NOVA1: variants seen among roughly 807,000 people sequenced by gnomAD.
NOVA1 encodes the protein RNA-binding protein Nova-1.
NOVA1 carries 7 observed loss-of-function variants against 38.0 expected under a neutral mutation model. That is an observed-to-expected ratio of 0.18 (90% CI 0.10 to 0.35). The LOEUF is 0.35. Among genes scored for constraint, NOVA1 ranks in the 10% least tolerant of loss-of-function variants. NOVA1 has a pLI of 1.00. For synonymous variants in NOVA1, 270 were observed against 232.5 expected (o/e 1.16, Z -1.47); for missense variants, 460 against 616.0 (o/e 0.75, Z 2.68).
At chr14:26,542,135 C>T (rs1055956200) in intron 2 of NOVA1, among the ~76,000 whole-genome samples, 3 of 151,846 alleles carry the variant, frequency 2.0e-5, no homozygotes, top group South Asian at 2.1e-4. Flanking sequence ...ATATTTCCAA[C>T]AACATGAAAA....
At chr14:26,461,961 T>G (rs1285726148) in intron 4 of NOVA1, among the ~76,000 whole-genome samples, 1 of 150,546 alleles carries the variant, frequency 6.6e-6, no homozygotes, top group African/African-American at 2.4e-5. Context: ...AACAAAAACA[T>G]CCCACAAAAC....
chr14:26,538,753 C>T (rs1463210259), intron 2 of NOVA1, among the ~76,000 whole-genome samples: 3 of 152,072 alleles, frequency 2.0e-5, no homozygotes, highest in Non-Finnish European at 4.4e-5. Flanking sequence ...CAGTTCGTAA[C>T]ATTCAACTAT....
At chr14:26,563,119 T>C (rs149600124) in intron 2 of NOVA1, among the ~76,000 whole-genome samples, 8 of 152,044 alleles carry the variant, frequency 5.3e-5, no homozygotes, top group East Asian at 3.9e-4. Context: ...ACCAAATATG[T>C]AGCACCACAT....
intron 2 of NOVA1, among the ~76,000 whole-genome samples, chr14:26,505,471 G>A (rs1340348574): frequency 2.0e-5 from 3 of 152,020 alleles, no homozygotes; most frequent in Non-Finnish European, 4.4e-5. Flanking sequence ...CACCATGACT[G>A]TAAGTTTCCG....
chr14:26,451,953 T>C (rs1304913718), intron 4 of NOVA1, among the ~76,000 whole-genome samples: 1 of 152,202 alleles, frequency 6.6e-6, no homozygotes, highest in Non-Finnish European at 1.5e-5. Flanking sequence ...AGATGTGTTA[T>C]GACTTAAGAC....
At chr14:26,480,201 T>A in intron 2 of NOVA1, 58 bp from the exon 3 acceptor site, 5 of 1,469,482 alleles carry the variant, frequency 3.4e-6, no homozygotes, top group Admixed American at 4.2e-5. Flanking sequence ...AAAAAAATTA[T>A]GAAAAAGGAT....
At chr14:26,468,954 AC>A (rs1010502039) in intron 4 of NOVA1, among the ~76,000 whole-genome samples, 1 of 152,220 alleles carries the variant, frequency 6.6e-6, no homozygotes, top group Non-Finnish European at 1.5e-5. Flanking sequence ...CCACTGATTA[AC>A]AAAACCATTT....
intron 2 of NOVA1, among the ~76,000 whole-genome samples, chr14:26,481,920 T>C (rs948203708): frequency 2.0e-5 from 3 of 150,686 alleles, no homozygotes; most frequent in Non-Finnish European, 4.4e-5. Context: ...CAGATTACAT[T>C]CTTGTTTTTG....
At position 26,447,892 on chromosome 14, in the gene NOVA1, A is replaced by C; in HGVS notation, c.*67T>G. 1 of 1,288,204 alleles carries C rather than the reference A, an allele frequency of 7.8e-7. No individual in the cohort carries two copies. The highest frequency in any genetic ancestry group is 2.2e-4 in the Middle Eastern group (1 of 4,596). 79.8% of individuals were successfully genotyped at this position (1,288,204 alleles called of 1,614,324 possible). ...CAGAAAAACTTCACTTCTGCAAAGT[A>C]CAGTACATCCTTCTTGAAAATGGGG... On this transcript the variant is annotated 3_prime_UTR_variant, in exon 5 of 5. Transcript: ENST00000539517.
At chr14:26,584,127 G>C (rs1371775624) in intron 2 of NOVA1, among the ~76,000 whole-genome samples, 2 of 151,558 alleles carry the variant, frequency 1.3e-5, no homozygotes, top group South Asian at 2.1e-4. Flanking sequence ...ATAGAAATCT[G>C]TCATTCACTA....
intron 2 of NOVA1, among the ~76,000 whole-genome samples, chr14:26,501,280 C>A (rs996323049): frequency 6.6e-6 from 1 of 151,862 alleles, no homozygotes. Flanking sequence ...AAGATAATAT[C>A]ATTCTTAGTT....
At chr14:26,485,651 C>T (rs1481536062) in intron 2 of NOVA1, among the ~76,000 whole-genome samples, 1 of 152,046 alleles carries the variant, frequency 6.6e-6, no homozygotes, top group Non-Finnish European at 1.5e-5. Context: ...GAATAACGAA[C>T]ATATGCTAAT....
intron 2 of NOVA1, among the ~76,000 whole-genome samples, chr14:26,490,302 C>T (rs979945249): frequency 3.9e-5 from 6 of 152,104 alleles, no homozygotes; most frequent in Non-Finnish European, 8.8e-5. Context: ...ATTGTGAATA[C>T]TGCTGCAATG....
chr14:26,529,981 G>T (rs557560526), intron 2 of NOVA1, among the ~76,000 whole-genome samples: 1 of 152,052 alleles, frequency 6.6e-6, no homozygotes, highest in Non-Finnish European at 1.5e-5. Context: ...GAGCAGTGGC[G>T]CGATCTCGGC....
chr14:26,573,372 A>C (rs1892610674), intron 2 of NOVA1, among the ~76,000 whole-genome samples: 1 of 152,156 alleles, frequency 6.6e-6, no homozygotes, highest in African/African-American at 2.4e-5. Context: ...CCTTTCAAAA[A>C]ATTTTGTTGG....
chr14:26,505,364 T>C (rs996108001), intron 2 of NOVA1, among the ~76,000 whole-genome samples: 2 of 152,070 alleles, frequency 1.3e-5, no homozygotes, highest in Non-Finnish European at 2.9e-5. Context: ...AGTGGAGTTC[T>C]TGTGAGATCT....
At chr14:26,509,293 T>C (rs186507161) in intron 2 of NOVA1, among the ~76,000 whole-genome samples, 77 of 152,284 alleles carry the variant, frequency 5.1e-4, no homozygotes, top group African/African-American at 1.7e-3. Flanking sequence ...CACAGTTATA[T>C]AGGATACATG....
intron 2 of NOVA1, among the ~76,000 whole-genome samples, chr14:26,537,408 T>G: frequency 6.6e-6 from 1 of 152,126 alleles, no homozygotes; most frequent in East Asian, 1.9e-4. Context: ...TCAAAAACAT[T>G]TCAAATTAGA....
At chr14:26,570,741 C>T (rs1304819756) in intron 2 of NOVA1, among the ~76,000 whole-genome samples, 1 of 152,126 alleles carries the variant, frequency 6.6e-6, no homozygotes, top group Non-Finnish European at 1.5e-5. Flanking sequence ...TTTAATAGGT[C>T]ATGAAGCACT....
Sources: gnomAD v4.1 joint callset for allele counts (sites outside exome capture counted in the v4.1 genomes callset) on GRCh38, gnomAD v4.1.1 for gene constraint, MANE v1.5 for transcripts, NCBI Gene and HGNC (gene_info 2026-07-23, HGNC 2026-07-21) for gene names.